The following OSGIN2 variants were observed in gnomAD, a reference collection of about 807,000 sequenced individuals.
OSGIN2 encodes the protein oxidative stress induced growth inhibitor family member 2.
OSGIN2 carries 19 observed loss-of-function variants against 53.8 expected under a neutral mutation model. The observed-to-expected ratio is 0.35, with a 90% CI of 0.25 to 0.52. The LOEUF is 0.52. OSGIN2 is among the 20% of genes least tolerant of loss of function. The pLI is 0.95. For missense variants in OSGIN2, 520 were observed against 662.7 expected (o/e 0.78, Z 2.36); for synonymous variants, 236 against 236.0 (o/e 1.00, Z 0.00).
At chr8:89,912,063 G>C (rs1808979571) in intron 2 of OSGIN2, among the ~76,000 whole-genome samples, 1 of 152,064 alleles carries the variant, frequency 6.6e-6, no homozygotes, top group Non-Finnish European at 1.5e-5. Context: ...GTATTCTTAT[G>C]GTTTTACTTT....
intron 1 of OSGIN2, among the ~76,000 whole-genome samples, chr8:89,905,153 C>T (rs1371479270): frequency 6.6e-6 from 1 of 152,190 alleles, no homozygotes; most frequent in Non-Finnish European, 1.5e-5. Context: ...ATACTATGTC[C>T]ACACTATCCT....
intron 4 of OSGIN2, among the ~76,000 whole-genome samples, chr8:89,916,201 T>G (rs1380760036): frequency 6.6e-6 from 1 of 152,214 alleles, no homozygotes; most frequent in Non-Finnish European, 1.5e-5. Flanking sequence ...TTTTTTCCGC[T>G]TAGAAGAATG....
intron 2 of OSGIN2, among the ~76,000 whole-genome samples, chr8:89,913,184 T>C (rs1257975747): frequency 1.3e-5 from 2 of 152,210 alleles, no homozygotes; most frequent in Non-Finnish European, 1.5e-5. Flanking sequence ...GCACCTCTCA[T>C]AATCCGAACC....
chr8:89,920,692 C>G (rs184030599), intron 4 of OSGIN2, among the ~76,000 whole-genome samples: 3 of 152,134 alleles, frequency 2.0e-5, no homozygotes, highest in African/African-American at 7.2e-5. Context: ...AATTTTGGAA[C>G]TTAATGAACA....
In OSGIN2 at chr8:89,921,675, A is replaced by G. The variant is rs142652773; in HGVS notation, c.620+504A>G. Among the ~76,000 whole-genome samples, 861 of 151,528 alleles carry G rather than the reference A, an allele frequency of 5.7e-3. 7 individuals are homozygous for G. Among genetic ancestry groups the G allele is most frequent in the African/African-American group, 0.02 (818 of 41,308 alleles). The stretch of plus-strand genomic sequence containing the variant: ...TTGGGTATGAAGGAACATATTTAAT[A>G]AAAAAAAATAAGAGTAGAACTGAGG... On this transcript the variant is annotated intron_variant, in intron 5 of 5. Coordinates refer to ENST00000451899, the MANE Select transcript of OSGIN2 (RefSeq NM_001126111.3).
At position 89,924,750 on chromosome 8, in the gene OSGIN2, G is replaced by A. The variant is rs1433522795; in HGVS notation, c.868G>A (p.Gly290Ser). The change falls in exon 6 of 6, where the codon GGT becomes AGT. Residue 290 changes from glycine to serine, a missense_variant. Physicochemically the swap from Gly to Ser is moderately conservative, Grantham distance 56. Transcript: ENST00000451899. Reference sequence around the variant, plus strand: ...TAGGGGTTATCAGCGAATAGCTGATGGTTCTCATGTTCCCTTCTGCCTCTT... The same window carrying A: ...TAGGGGTTATCAGCGAATAGCTGATAGTTCTCATGTTCCCTTCTGCCTCTT... ...EIRGYQRIAD[G>S]SHVPFCLFAE... 2 of 1,614,166 alleles carry A rather than the reference G, an allele frequency of 1.2e-6. No individual in the cohort carries two copies. The highest frequency in any genetic ancestry group is 1.7e-6 in the Non-Finnish European group (2 of 1,180,006).
chr8:89,921,617 G>T (rs1014037026), intron 5 of OSGIN2, among the ~76,000 whole-genome samples: 8 of 152,088 alleles, frequency 5.3e-5, no homozygotes, highest in African/African-American at 1.9e-4. Flanking sequence ...TTAAAATGAT[G>T]GATAAGCTAG....
chr8:89,905,489 T>A (rs1808821015), intron 1 of OSGIN2, among the ~76,000 whole-genome samples: 1 of 152,182 alleles, frequency 6.6e-6, no homozygotes, highest in African/African-American at 2.4e-5. Context: ...ATAAAACATG[T>A]ACAGCAATAC....
chr8:89,908,283 G>A (rs1024537949), intron 1 of OSGIN2, among the ~76,000 whole-genome samples: 1 of 152,110 alleles, frequency 6.6e-6, no homozygotes, highest in Admixed American at 6.5e-5. Flanking sequence ...ATGTCTGATT[G>A]GTGTCTGTTT....
In OSGIN2 at chr8:89,911,726, A is replaced by G. The variant is rs567109555; in HGVS notation, c.199+2005A>G. The stretch of plus-strand genomic sequence containing the variant: ...GAGGCGGGCATATAACAAGGTCAGG[A>G]GATCGAGACCATCCTGGCTAACAGG... On this transcript the variant is annotated intron_variant, in intron 2 of 5. Transcript: ENST00000451899. Among the ~76,000 whole-genome samples, 185 of 151,622 alleles carry G rather than the reference A, an allele frequency of 1.2e-3. 1 individual carries two copies. The highest frequency in any genetic ancestry group is 4.0e-3 in the African/African-American group (167 of 41,318).
Position 89,921,316 on chromosome 8 carries a change from AT to A in OSGIN2, c.620+146del, listed in dbSNP as rs1809199041. 3 of 558,620 alleles carry A rather than the reference AT, an allele frequency of 5.4e-6. No individual in the cohort carries two copies. In the East Asian group the frequency reaches 8.7e-5, roughly 16 times the overall value. 34.6% of individuals were successfully genotyped at this position (558,620 alleles called of 1,614,324 possible). On this transcript the variant is annotated intron_variant, in intron 5 of 5. Coordinates refer to ENST00000451899, the MANE Select transcript of OSGIN2 (RefSeq NM_001126111.3). ...AAAATGTGTCCTTGAAGCAGTGATTATAATATGCTAGTTTTCATTTAGAGAT... is the reference window on the plus strand; with the variant it reads ...AAAATGTGTCCTTGAAGCAGTGATTAAATATGCTAGTTTTCATTTAGAGAT...
intron 4 of OSGIN2, among the ~76,000 whole-genome samples, chr8:89,920,475 AAGT>A (rs1320393431): frequency 3.9e-5 from 6 of 152,120 alleles, no homozygotes; most frequent in African/African-American, 1.4e-4. Flanking sequence ...AAGCAGAAAT[AAGT>A]AGGTCAAGGG....
rs145264411 is a variant in OSGIN2 at position 89,912,775 on chromosome 8, C to G, written c.200-1302C>G. Among the ~76,000 whole-genome samples the G allele has an allele frequency of 4.6e-5, 7 of 151,720 alleles. No individual in the cohort carries two copies. In the East Asian group the frequency reaches 1.4e-3, roughly 29 times the overall value. On this transcript the variant is annotated intron_variant, in intron 2 of 5. Coordinates refer to ENST00000451899, the MANE Select transcript of OSGIN2 (RefSeq NM_001126111.3). ...AAAAAACACAACGAAAAAAACAAAA[C>G]TCCTGATCCCTCCTGATGGCTTGGA...
intron 2 of OSGIN2, 45 bp from the exon 3 acceptor site, chr8:89,914,032 A>G: frequency 6.4e-7 from 1 of 1,561,616 alleles, no homozygotes; most frequent in South Asian, 1.1e-5. Flanking sequence ...GAACAAGAGT[A>G]TTAAGATGCA....
At chr8:89,920,728 T>C (rs1331741042) in intron 4 of OSGIN2, among the ~76,000 whole-genome samples, 1 of 152,246 alleles carries the variant, frequency 6.6e-6, no homozygotes, top group African/African-American at 2.4e-5. Context: ...AAAAAATGAA[T>C]ATACTGAATT....
At chr8:89,923,700 T>G (rs568881340) in intron 5 of OSGIN2, among the ~76,000 whole-genome samples, 29 of 152,350 alleles carry the variant, frequency 1.9e-4, no homozygotes, top group African/African-American at 6.7e-4. Context: ...AAGCTAGTTG[T>G]TATTAAATGC....
At chr8:89,921,757 G>A (rs1361170330) in intron 5 of OSGIN2, among the ~76,000 whole-genome samples, 1 of 152,178 alleles carries the variant, frequency 6.6e-6, no homozygotes, top group East Asian at 1.9e-4. Context: ...TGAGGTGGGA[G>A]GATCACCTGA....
intron 1 of OSGIN2, among the ~76,000 whole-genome samples, chr8:89,906,886 C>G (rs1363893117): frequency 6.6e-6 from 1 of 152,092 alleles, no homozygotes; most frequent in East Asian, 1.9e-4. Context: ...CTAATACACT[C>G]CCCCCAACAT....
chr8:89,920,109 C>CTGAT (rs1299093607), intron 4 of OSGIN2, among the ~76,000 whole-genome samples: 1 of 152,156 alleles, frequency 6.6e-6, no homozygotes, highest in Non-Finnish European at 1.5e-5. Context: ...CAAATAATCT[C>CTGAT]TGATAGATAA....
Sources: gnomAD v4.1 joint callset for allele counts (sites outside exome capture counted in the v4.1 genomes callset) on GRCh38, gnomAD v4.1.1 for gene constraint, MANE v1.5 for transcripts, NCBI Gene and HGNC (gene_info 2026-07-23, HGNC 2026-07-21) for gene names.